RASAL2: variants seen among roughly 807,000 people sequenced by gnomAD.
RASAL2 encodes ras GTPase-activating protein nGAP.
In RASAL2, 58 loss-of-function variants were observed where a neutral mutation model predicts 128.9. The observed-to-expected ratio is 0.45, with a 90% CI of 0.36 to 0.56. The LOEUF (loss-of-function observed/expected upper bound fraction) is 0.56, where lower values mean the gene tolerates loss of function less well. Among genes scored for constraint, RASAL2 ranks in the 20% least tolerant of loss-of-function variants. The pLI is 0.00. For missense variants in RASAL2, 1,360 were observed against 1,601.6 expected (o/e 0.85, Z 2.57); for synonymous variants, 561 against 580.8 (o/e 0.97, Z 0.49).
intron 12 of RASAL2, 77 bp from the exon 13 acceptor site, chr1:178,456,644 A>G (rs1572108357): frequency 6.6e-7 from 1 of 1,505,034 alleles, no homozygotes; most frequent in Non-Finnish European, 9.2e-7. Flanking sequence ...ATCAATGGCC[A>G]TCGTTGTGCC....
At chr1:178,415,078 C>A (rs1156234158) in intron 4 of RASAL2, among the ~76,000 whole-genome samples, 3 of 151,970 alleles carry the variant, frequency 2.0e-5, no homozygotes, top group Non-Finnish European at 4.4e-5. Flanking sequence ...TTAATCGATT[C>A]TGCACTAATT....
chr1:178,472,725 T>G (rs1648386807), intron 17 of RASAL2, among the ~76,000 whole-genome samples: 1 of 152,206 alleles, frequency 6.6e-6, no homozygotes, highest in Admixed American at 6.5e-5. Context: ...TGTTTCAATT[T>G]TGACCTAAAG....
At chr1:178,207,224 G>A (rs1259780098) in intron 1 of RASAL2, among the ~76,000 whole-genome samples, 1 of 149,790 alleles carries the variant, frequency 6.7e-6, no homozygotes. Context: ...TATGTAAAAA[G>A]AAAAACATTC....
intron 3 of RASAL2, among the ~76,000 whole-genome samples, chr1:178,358,651 C>T (rs1396702583): frequency 2.0e-5 from 3 of 152,044 alleles, no homozygotes; most frequent in Non-Finnish European, 4.4e-5. Context: ...TCTGACAATA[C>T]CAAGTATTAA....
chr1:178,237,533 A>G (rs2102040684), intron 1 of RASAL2, among the ~76,000 whole-genome samples: 1 of 152,326 alleles, frequency 6.6e-6, no homozygotes, highest in Non-Finnish European at 1.5e-5. Context: ...CTGTTAACAG[A>G]GCCAGTGGTT....
At chr1:178,124,018 A>G (rs545993966) in intron 1 of RASAL2, among the ~76,000 whole-genome samples, 1 of 152,218 alleles carries the variant, frequency 6.6e-6, no homozygotes, top group South Asian at 2.1e-4. Flanking sequence ...AGGATTTCCA[A>G]ACTTTTTCCC....
intron 1 of RASAL2, among the ~76,000 whole-genome samples, chr1:178,248,869 C>T (rs1291084716): frequency 1.3e-5 from 2 of 152,200 alleles, no homozygotes; most frequent in Non-Finnish European, 2.9e-5. Flanking sequence ...TATTGGCCCC[C>T]ACTCTCTTCT....
chr1:178,410,877 G>C (rs1440263048), intron 4 of RASAL2, among the ~76,000 whole-genome samples: 1 of 152,080 alleles, frequency 6.6e-6, no homozygotes, highest in African/African-American at 2.4e-5. Flanking sequence ...ATAACAGATG[G>C]TGACATGGAT....
intron 1 of RASAL2, among the ~76,000 whole-genome samples, chr1:178,141,193 C>CTTTTCT (rs1172372347): frequency 6.8e-5 from 5 of 73,936 alleles, no homozygotes; most frequent in African/African-American, 1.1e-4. Context: ...CTTTTCTTTT[C>CTTTTCT]TTTTTTTTTT....
chr1:178,100,910 T>A (rs1211477061), intron 1 of RASAL2, among the ~76,000 whole-genome samples: 5 of 152,200 alleles, frequency 3.3e-5, no homozygotes, highest in Non-Finnish European at 5.9e-5. Context: ...TGTTTGGTCT[T>A]GTTAACCAGG....
At chr1:178,154,981 G>A (rs1418091258) in intron 1 of RASAL2, among the ~76,000 whole-genome samples, 1 of 152,030 alleles carries the variant, frequency 6.6e-6, no homozygotes, top group Admixed American at 6.6e-5. Flanking sequence ...GTGCCACCAC[G>A]CCCAGCTAAT....
In RASAL2 at chr1:178,454,614, C is replaced by T. The variant is rs1677634935; in HGVS notation, c.2177C>T (p.Ser726Phe). The T allele has an allele frequency of 1.2e-6, 2 of 1,613,778 alleles. No homozygotes were observed. ...DLGRELSVLHSLLWEVVSQLD... is the reference protein window; with the variant it reads ...DLGRELSVLHFLLWEVVSQLD... ...GGCCGAGAGCTTTCAGTTTTGCATTCCTTACTGTGGGAAGTAGTTTCCCAA... is the reference window on the plus strand; with the variant it reads ...GGCCGAGAGCTTTCAGTTTTGCATTTCTTACTGTGGGAAGTAGTTTCCCAA... The change falls in exon 12 of 18, where the codon TCC (serine) becomes TTC (phenylalanine). Residue 726 changes from serine (S) to phenylalanine (F), a missense_variant. Coordinates refer to ENST00000367649, the MANE Select transcript of RASAL2 (RefSeq NM_170692.4).
chr1:178,366,247 T>G (rs1453630451), intron 3 of RASAL2, among the ~76,000 whole-genome samples: 1 of 152,168 alleles, frequency 6.6e-6, no homozygotes, highest in African/African-American at 2.4e-5. Context: ...TTCAGCAAAG[T>G]TGGCAAAATG....
intron 4 of RASAL2, among the ~76,000 whole-genome samples, chr1:178,390,638 C>T (rs1205371862): frequency 6.6e-6 from 1 of 152,148 alleles, no homozygotes; most frequent in African/African-American, 2.4e-5. Context: ...CTCAGCCTCC[C>T]AAAGTGTTGG....
chr1:178,102,434 A>G (rs1465810), intron 1 of RASAL2, among the ~76,000 whole-genome samples: 4,164 of 152,158 alleles, frequency 0.027, 76 homozygotes, highest in East Asian at 0.086. Flanking sequence ...CATAGCTTAC[A>G]TATTATCCAT....
At chr1:178,346,747 G>A (rs1030971472) in intron 3 of RASAL2, among the ~76,000 whole-genome samples, 1 of 152,214 alleles carries the variant, frequency 6.6e-6, no homozygotes, top group Admixed American at 6.5e-5. Flanking sequence ...TCTGAGAAAT[G>A]GTATAGACCA....
chr1:178,106,483 A>T (rs1358824406), intron 1 of RASAL2, among the ~76,000 whole-genome samples: 2 of 152,190 alleles, frequency 1.3e-5, no homozygotes, highest in African/African-American at 4.8e-5. Flanking sequence ...GTTGCTGATT[A>T]CTCTGTATCA....
At chr1:178,277,833 G>A (rs1414034316) in intron 1 of RASAL2, among the ~76,000 whole-genome samples, 1 of 152,174 alleles carries the variant, frequency 6.6e-6, no homozygotes, top group Non-Finnish European at 1.5e-5. Context: ...GAGACTGAAT[G>A]AAACATTAGA....
At chr1:178,125,113 C>G (rs773279683) in intron 1 of RASAL2, among the ~76,000 whole-genome samples, 7 of 152,170 alleles carry the variant, frequency 4.6e-5, no homozygotes, top group Non-Finnish European at 8.8e-5. Context: ...TAAGGAAGTT[C>G]TGGTCACTTG....
Sources: allele counts gnomAD v4.1 joint callset (sites outside exome capture counted in the v4.1 genomes callset), GRCh38; gene constraint gnomAD v4.1.1; transcripts MANE v1.5; gene names NCBI Gene and HGNC (gene_info 2026-07-23, HGNC 2026-07-21).